The following CNTN4 variants were observed in gnomAD, a reference collection of about 807,000 sequenced individuals.
The protein encoded by CNTN4 is contactin-4.
A neutral mutation model predicts 122.5 loss-of-function variants in CNTN4; 77 were observed. The observed-to-expected ratio is 0.63, with a 90% CI of 0.52 to 0.76. CNTN4 has a LOEUF of 0.76. Among genes scored for constraint, CNTN4 ranks in the 30% least tolerant of loss-of-function variants. The pLI, the probability that CNTN4 is intolerant of heterozygous loss-of-function variation, is 0.00. For missense variants in CNTN4, 1,256 were observed against 1,259.1 expected, an observed-to-expected ratio of 1.00 and a Z score of 0.04; for synonymous variants, 512 against 447.0, an observed-to-expected ratio of 1.15 and a Z score of -1.83.
At chr3:2,126,571 C>G (rs1184731193) in intron 2 of CNTN4, among the ~76,000 whole-genome samples, 1 of 152,118 alleles carries the variant, frequency 6.6e-6, no homozygotes, top group Admixed American at 6.5e-5. Flanking sequence ...TCTTGCAGTT[C>G]TGTAGCCCTG....
intron 2 of CNTN4, among the ~76,000 whole-genome samples, chr3:2,196,662 C>A (rs1054502339): frequency 2.6e-5 from 4 of 152,146 alleles, no homozygotes; most frequent in Middle Eastern, 6.8e-3. Context: ...GCTGGAAGGC[C>A]GTTGGCTTTG....
intron 4 of CNTN4, among the ~76,000 whole-genome samples, chr3:2,729,749 C>G (rs9310838): frequency 0.69 from 103,858 of 151,260 alleles, 35,780 homozygotes; most frequent in Non-Finnish European, 0.72. Context: ...CCCGTCTCTA[C>G]TAAAAACAAA....
intron 2 of CNTN4, among the ~76,000 whole-genome samples, chr3:2,328,533 T>A (rs1423894263): frequency 1.3e-5 from 2 of 152,240 alleles, no homozygotes; most frequent in Non-Finnish European, 2.9e-5. Context: ...CTATCTTTTG[T>A]TGTAGGGGCT....
At chr3:2,474,575 G>C (rs1050538950) in intron 3 of CNTN4, among the ~76,000 whole-genome samples, 37 of 152,274 alleles carry the variant, frequency 2.4e-4, no homozygotes, top group African/African-American at 8.7e-4. Context: ...TGATGATGAA[G>C]GTGGTGGTTG....
At chr3:2,708,424 C>A (rs1052499850) in intron 4 of CNTN4, among the ~76,000 whole-genome samples, 5 of 152,122 alleles carry the variant, frequency 3.3e-5, no homozygotes. Context: ...TAAAGGATTA[C>A]CGTAAGAGAC....
chr3:2,614,587 A>G (rs12634841), intron 4 of CNTN4, among the ~76,000 whole-genome samples: 70,975 of 151,914 alleles, frequency 0.47, 17,228 homozygotes, highest in Middle Eastern at 0.54. Flanking sequence ...AGGATGGAAG[A>G]AGTGAGGAAA....
chr3:2,804,099 G>A (rs949666565), intron 6 of CNTN4, among the ~76,000 whole-genome samples: 4 of 115,628 alleles, frequency 3.5e-5, no homozygotes, highest in South Asian at 2.7e-4. Context: ...ACACACACAC[G>A]TATGATAAAA....
chr3:2,389,933 G>T (rs192510363), intron 3 of CNTN4, among the ~76,000 whole-genome samples: 1 of 152,130 alleles, frequency 6.6e-6, no homozygotes, highest in Admixed American at 6.5e-5. Flanking sequence ...AAAAGATAAA[G>T]CTTGAGGAAC....
intron 10 of CNTN4, among the ~76,000 whole-genome samples, chr3:2,893,015 A>G (rs930690342): frequency 2.0e-5 from 3 of 152,196 alleles, no homozygotes; most frequent in East Asian, 1.9e-4. Context: ...AAATCCATCA[A>G]TCATCCGGAT....
At chr3:2,952,190 C>G (rs924069890) in intron 13 of CNTN4, among the ~76,000 whole-genome samples, 1 of 152,150 alleles carries the variant, frequency 6.6e-6, no homozygotes, top group Non-Finnish European at 1.5e-5. Flanking sequence ...GCAGCCTTAT[C>G]GAAAGCCTTA....
At chr3:2,490,700 A>C (rs2076291124) in intron 3 of CNTN4, among the ~76,000 whole-genome samples, 2 of 152,180 alleles carry the variant, frequency 1.3e-5, no homozygotes, top group Non-Finnish European at 2.9e-5. Flanking sequence ...CTTTGTATGT[A>C]TTATTAAATT....
intron 3 of CNTN4, among the ~76,000 whole-genome samples, chr3:2,356,413 C>T (rs960493523): frequency 2.6e-5 from 4 of 152,000 alleles, no homozygotes; most frequent in African/African-American, 4.8e-5. Flanking sequence ...CTTTTTAGAC[C>T]GTATAGGGTA....
chr3:2,593,621 C>T (rs573955577), intron 4 of CNTN4, among the ~76,000 whole-genome samples: 3 of 152,256 alleles, frequency 2.0e-5, no homozygotes, highest in South Asian at 2.1e-4. Context: ...TTTGGATGGG[C>T]AGATGAAGAT....
chr3:2,157,261 G>A (rs2035761929), intron 2 of CNTN4, among the ~76,000 whole-genome samples: 3 of 152,330 alleles, frequency 2.0e-5, no homozygotes, highest in African/African-American at 2.4e-5. Flanking sequence ...AGATTGATGA[G>A]TGATGGCTTC....
intron 3 of CNTN4, among the ~76,000 whole-genome samples, chr3:2,422,320 G>C (rs2047648717): frequency 6.6e-6 from 1 of 152,188 alleles, no homozygotes; most frequent in Non-Finnish European, 1.5e-5. Flanking sequence ...AGTAGTTCAG[G>C]AGTTAGGAGA....
intron 3 of CNTN4, among the ~76,000 whole-genome samples, chr3:2,485,516 G>T (rs775346777): frequency 9.9e-5 from 15 of 151,886 alleles, no homozygotes; most frequent in Non-Finnish European, 1.9e-4. Flanking sequence ...GGGACTTGGA[G>T]AATCTTTTTG....
chr3:2,651,495 C>A (rs908681090), intron 4 of CNTN4, among the ~76,000 whole-genome samples: 2 of 152,076 alleles, frequency 1.3e-5, no homozygotes, highest in African/African-American at 4.8e-5. Context: ...CTCCTCTTAG[C>A]ATATAATCTG....
intron 4 of CNTN4, among the ~76,000 whole-genome samples, chr3:2,598,860 C>A (rs1443171926): frequency 2.0e-5 from 3 of 151,762 alleles, no homozygotes; most frequent in East Asian, 1.9e-4. Context: ...TGTGGCTGAA[C>A]AAATTGCCTC....
At chr3:2,502,491 C>T (rs2076622806) in intron 3 of CNTN4, among the ~76,000 whole-genome samples, 1 of 152,150 alleles carries the variant, frequency 6.6e-6, no homozygotes, top group Non-Finnish European at 1.5e-5. Context: ...TAGCCTGACA[C>T]TAGAGCCAGC....
Sources: gnomAD v4.1 joint callset for allele counts (sites outside exome capture counted in the v4.1 genomes callset) on GRCh38, gnomAD v4.1.1 for gene constraint, MANE v1.5 for transcripts, NCBI Gene and HGNC (gene_info 2026-07-23, HGNC 2026-07-21) for gene names.